The following MAST2 variants were observed in gnomAD, a reference collection of about 807,000 sequenced individuals.
MAST2 encodes microtubule associated serine/threonine kinase 2, also known as microtubule-associated serine/threonine-protein kinase 2.
A neutral mutation model predicts 147.4 loss-of-function variants in MAST2; 70 were observed. The observed-to-expected ratio is 0.47, with a 90% CI of 0.39 to 0.58. The LOEUF is 0.58. Among genes scored for constraint, MAST2 ranks in the 20% least tolerant of loss-of-function variants. MAST2 has a pLI of 0.00. For missense variants in MAST2, 2,080 were observed against 2,302.3 expected (o/e 0.90, Z 1.98); for synonymous variants, 869 against 896.8 (o/e 0.97, Z 0.55).
chr1:45,831,258 A>G (rs1205979427), intron 3 of MAST2, among the ~76,000 whole-genome samples: 2 of 152,176 alleles, frequency 1.3e-5, no homozygotes, highest in Admixed American at 6.5e-5. Flanking sequence ...ACTAATTTGT[A>G]GGGTACAATA....
chr1:45,924,302 G>T (rs759221712), intron 4 of MAST2, among the ~76,000 whole-genome samples: 1 of 152,212 alleles, frequency 6.6e-6, no homozygotes, highest in Non-Finnish European at 1.5e-5. Flanking sequence ...AGTGAAAACG[G>T]TGATGAACCT....
At chr1:45,872,973 C>A (rs983249090) in intron 3 of MAST2, among the ~76,000 whole-genome samples, 1 of 152,038 alleles carries the variant, frequency 6.6e-6, no homozygotes, top group South Asian at 2.1e-4. Flanking sequence ...GAAATATCAT[C>A]ATTGGCAGAA....
chr1:45,900,164 T>A (rs1436411850), intron 4 of MAST2, among the ~76,000 whole-genome samples: 2 of 68,968 alleles, frequency 2.9e-5, no homozygotes, highest in South Asian at 5.6e-4. Flanking sequence ...AGCGAGACTC[T>A]CTCTCTCTCA....
rs998032050 is a variant in MAST2 at position 45,821,471 on chromosome 1, TGTA to T, written c.178-2961_178-2959del. ...ACGGAGCTTCTTGGATGTGTAGATT[TGTA>T]TCTGTCATCACATTTGGGAAGTTTT... On this transcript the variant is annotated intron_variant, in intron 1 of 28. Coordinates refer to ENST00000361297, the MANE Select transcript of MAST2 (RefSeq NM_015112.3). Among the ~76,000 whole-genome samples, 7 of 151,536 alleles carry T rather than the reference TGTA, an allele frequency of 4.6e-5. No homozygotes were observed. In the South Asian group the frequency reaches 1.2e-3, roughly 27 times the overall value.
chr1:45,806,067 G>C (rs1051415771), intron 1 of MAST2, among the ~76,000 whole-genome samples: 1 of 152,098 alleles, frequency 6.6e-6, no homozygotes, highest in Admixed American at 6.6e-5. Flanking sequence ...CAAATCAAAG[G>C]TTCATTCAGT....
Position 45,920,558 on chromosome 1 carries a change from A to G in MAST2, c.500+38163A>G, listed in dbSNP as rs1301275067. On this transcript the variant is annotated intron_variant, in intron 4 of 28. Transcript: ENST00000361297. ...CTGATTCCCCATAATGATGAGAAGC[A>G]GAAGTCTAGTCTTGCTAATATTTTG... 3.3e-5 allele frequency among the ~76,000 whole-genome samples: 5 copies of G among 152,258 alleles called. No individual in the cohort carries two copies. The East Asian group carries it at 9.6e-4, about 29-fold the overall frequency.
intron 4 of MAST2, among the ~76,000 whole-genome samples, chr1:45,945,735 A>G (rs1368436771): frequency 1.3e-5 from 2 of 152,226 alleles, no homozygotes; most frequent in African/African-American, 4.8e-5. Context: ...GACATTTTGC[A>G]TTTCCTGTCA....
chr1:46,012,246 A>G (rs1278529355), intron 10 of MAST2, among the ~76,000 whole-genome samples: 1 of 152,210 alleles, frequency 6.6e-6, no homozygotes, highest in Admixed American at 6.5e-5. Context: ...GTAACTTCCA[A>G]GTTTCCTGGT....
intron 26 of MAST2, among the ~76,000 whole-genome samples, chr1:46,033,143 A>C (rs1002275007): frequency 4.6e-5 from 7 of 152,066 alleles, no homozygotes; most frequent in Non-Finnish European, 5.9e-5. Context: ...GCGTGGTGGT[A>C]GGCACTTGTA....
At chr1:45,890,116 C>G (rs1044001168) in intron 4 of MAST2, among the ~76,000 whole-genome samples, 1 of 152,176 alleles carries the variant, frequency 6.6e-6, no homozygotes, top group African/African-American at 2.4e-5. Context: ...ACCTCACTTC[C>G]TTATGAAAGG....
chr1:45,873,654 G>A (rs1211907221), intron 3 of MAST2, among the ~76,000 whole-genome samples: 2 of 152,156 alleles, frequency 1.3e-5, no homozygotes, highest in South Asian at 2.1e-4. Flanking sequence ...TTTAATGACT[G>A]ACCAAGATTT....
At chr1:45,882,866 G>T (rs1003714908) in intron 4 of MAST2, among the ~76,000 whole-genome samples, 2 of 152,172 alleles carry the variant, frequency 1.3e-5, no homozygotes, top group Non-Finnish European at 2.9e-5. Context: ...AACCTGTTTG[G>T]TTTTTTTCTG....
chr1:45,979,805 C>G (rs1002390382), intron 5 of MAST2, among the ~76,000 whole-genome samples: 2 of 152,088 alleles, frequency 1.3e-5, no homozygotes, highest in African/African-American at 4.8e-5. Flanking sequence ...CACTGCACTC[C>G]TGGGTGACAG....
intron 6 of MAST2, among the ~76,000 whole-genome samples, chr1:45,999,724 C>T (rs1645196164): frequency 6.6e-6 from 1 of 152,224 alleles, no homozygotes; most frequent in South Asian, 2.1e-4. Context: ...AATGTCACCT[C>T]CTCAGAGAGG....
intron 3 of MAST2, among the ~76,000 whole-genome samples, chr1:45,881,785 C>T (rs12022023): frequency 6.6e-6 from 1 of 151,812 alleles, no homozygotes; most frequent in Admixed American, 6.6e-5. Flanking sequence ...ATGGTTCCAT[C>T]TAGTGGGAAA....
intron 3 of MAST2, among the ~76,000 whole-genome samples, chr1:45,834,490 A>T (rs1645046410): frequency 6.6e-6 from 1 of 152,270 alleles, no homozygotes; most frequent in East Asian, 1.9e-4. Flanking sequence ...AGGAACCATG[A>T]TCCTAATTAG....
intron 4 of MAST2, among the ~76,000 whole-genome samples, chr1:45,891,556 A>G (rs1393140004): frequency 6.6e-6 from 1 of 152,206 alleles, no homozygotes; most frequent in Non-Finnish European, 1.5e-5. Context: ...AAGTAGCTCA[A>G]AGACAATAAA....
At chr1:46,011,219 TAA>T in intron 10 of MAST2, 1 of 411,542 alleles carries the variant, frequency 2.4e-6, no homozygotes, top group Non-Finnish European at 4.5e-6. Flanking sequence ...GTAGTAGTCA[TAA>T]GTATTTGACT....
chr1:45,858,039 T>G (rs941855460), intron 3 of MAST2, among the ~76,000 whole-genome samples: 2 of 152,044 alleles, frequency 1.3e-5, no homozygotes, highest in African/African-American at 4.8e-5. Context: ...TGGTTCCAAG[T>G]CTTTGCTATT....
Sources: allele counts gnomAD v4.1 joint callset (sites outside exome capture counted in the v4.1 genomes callset), GRCh38; gene constraint gnomAD v4.1.1; transcripts MANE v1.5; gene names NCBI Gene and HGNC (gene_info 2026-07-23, HGNC 2026-07-21).